BICC1: variants seen among roughly 807,000 people sequenced by gnomAD.
BICC1 encodes protein bicaudal C homolog 1.
A neutral mutation model predicts 111.0 loss-of-function variants in BICC1; 43 were observed. The observed-to-expected ratio is 0.39, with a 90% CI of 0.30 to 0.50. The LOEUF is 0.50. Ranked by LOEUF, BICC1 falls within the 20% of genes least tolerant of loss-of-function variation. The probability of loss-of-function intolerance (pLI) is 0.88; values close to 1 mark genes in which losing one functional copy is unlikely to be tolerated. For missense variants in BICC1, 1,091 were observed against 1,203.2 expected (o/e 0.91, Z 1.38); for synonymous variants, 467 against 434.4 (o/e 1.07, Z -0.93).
chr10:58,792,649 A>G (rs1418905231), intron 8 of BICC1, among the ~76,000 whole-genome samples: 2 of 152,188 alleles, frequency 1.3e-5, no homozygotes, highest in Admixed American at 6.5e-5. Flanking sequence ...GGAGAATCTA[A>G]TGCCTGATGA....
At chr10:58,807,307 T>C in intron 17 of BICC1, 149 bp downstream of exon 17, 5 of 689,660 alleles carry the variant, frequency 7.2e-6, no homozygotes, top group South Asian at 2.5e-5. Context: ...CACACTGTTA[T>C]AAAACTGATG....
intron 1 of BICC1, among the ~76,000 whole-genome samples, chr10:58,617,475 G>A (rs1423200512): frequency 6.6e-6 from 1 of 152,248 alleles, no homozygotes; most frequent in Non-Finnish European, 1.5e-5. Flanking sequence ...GGAAGATAAG[G>A]CCATGGGGCC....
At chr10:58,685,627 T>C (rs2132385176) in intron 2 of BICC1, among the ~76,000 whole-genome samples, 1 of 152,242 alleles carries the variant, frequency 6.6e-6, no homozygotes, top group South Asian at 2.1e-4. Context: ...TGTAATGGCC[T>C]TCTTTGTCTC....
At chr10:58,732,223 C>A (rs1231372987) in intron 3 of BICC1, among the ~76,000 whole-genome samples, 18 of 147,616 alleles carry the variant, frequency 1.2e-4, no homozygotes, top group Non-Finnish European at 4.5e-5. Flanking sequence ...ATTGTTCTTT[C>A]TTAGGGAATA....
chr10:58,749,608 A>G (rs1277128352), intron 3 of BICC1, among the ~76,000 whole-genome samples: 1 of 152,142 alleles, frequency 6.6e-6, no homozygotes, highest in Non-Finnish European at 1.5e-5. Flanking sequence ...TAAAACTGTA[A>G]TGTTATTAAA....
At chr10:58,611,857 G>T (rs975493933) in intron 1 of BICC1, among the ~76,000 whole-genome samples, 1 of 151,968 alleles carries the variant, frequency 6.6e-6, no homozygotes, top group African/African-American at 2.4e-5. Context: ...GAATTTAACT[G>T]CAAAAATAAA....
chr10:58,765,730 G>A (rs1462370339), intron 3 of BICC1, among the ~76,000 whole-genome samples: 1 of 152,016 alleles, frequency 6.6e-6, no homozygotes. Flanking sequence ...GGACTCACAG[G>A]GCAAAAAGGC....
intron 2 of BICC1, among the ~76,000 whole-genome samples, chr10:58,670,752 T>C (rs1839159056): frequency 6.6e-6 from 1 of 152,250 alleles, no homozygotes; most frequent in Middle Eastern, 3.4e-3. Flanking sequence ...AAAAGACTTG[T>C]TTTTGGCATC....
At chr10:58,784,470 T>C (rs1589135037) in intron 3 of BICC1, among the ~76,000 whole-genome samples, 1 of 152,208 alleles carries the variant, frequency 6.6e-6, no homozygotes, top group East Asian at 1.9e-4. Flanking sequence ...TAAATGAAGT[T>C]ATTGCATAAA....
chr10:58,633,675 A>G (rs1441485645), intron 2 of BICC1, among the ~76,000 whole-genome samples: 1 of 152,324 alleles, frequency 6.6e-6, no homozygotes, highest in East Asian at 1.9e-4. Context: ...TTTTCCAGGA[A>G]AACAGTTGGA....
chr10:58,609,790 A>G (rs187958283), intron 1 of BICC1, among the ~76,000 whole-genome samples: 6 of 152,356 alleles, frequency 3.9e-5, no homozygotes, highest in South Asian at 2.1e-4. Context: ...ACTGTGGTGT[A>G]TTAGGTATTC....
At chr10:58,629,245 CA>C (rs1463193984) in intron 2 of BICC1, among the ~76,000 whole-genome samples, 3 of 151,946 alleles carry the variant, frequency 2.0e-5, no homozygotes, top group Non-Finnish European at 2.9e-5. Flanking sequence ...AGAATCAATG[CA>C]GTTTAAAGCT....
chr10:58,562,318 A>C (rs1843628208), intron 1 of BICC1, among the ~76,000 whole-genome samples: 1 of 151,588 alleles, frequency 6.6e-6, no homozygotes, highest in South Asian at 2.1e-4. Context: ...ATTTTGTTTG[A>C]CTTGACTATT....
chr10:58,825,364 CT>C lies in BICC1; in HGVS notation c.2795-3395del, dbSNP rs141431729. On this transcript the variant is annotated intron_variant, in intron 20 of 20. Coordinates refer to ENST00000373886, the MANE Select transcript of BICC1 (RefSeq NM_001080512.3). Reference sequence around the variant, plus strand: ...GGAGATTTGTGACAACTTGAAGAAACTTCCAAACTGCATAGCCTGGGAATAT... The same window carrying C: ...GGAGATTTGTGACAACTTGAAGAAACTCCAAACTGCATAGCCTGGGAATAT... 1.7e-3 allele frequency among the ~76,000 whole-genome samples: 252 copies of C among 152,150 alleles called. 2 individuals carry two copies. Among genetic ancestry groups the C allele is most frequent in the African/African-American group, 5.9e-3 (244 of 41,496 alleles).
At chr10:58,625,878 G>C (rs1425610631) in intron 2 of BICC1, among the ~76,000 whole-genome samples, 3 of 152,136 alleles carry the variant, frequency 2.0e-5, no homozygotes, top group Middle Eastern at 3.2e-3. Flanking sequence ...TTCTCCACTA[G>C]CGATTATTTT....
rs943485210 is a variant in BICC1, at chr10:58,806,592, C to T, written c.2190C>T (p.Asp730=). 1.9e-6 allele frequency: 3 copies of T among 1,612,500 alleles called. No individual in the cohort carries two copies. Among genetic ancestry groups the T allele is most frequent in the Non-Finnish European group, 1.7e-6 (2 of 1,178,886 alleles). ...TTCTGTTTCATTTTCAGGCATTTGA[C>T]TATGAACAGAAGAAGCTATTAGCCA... ...RSSYVNMQAF[D]YEQKKLLATK... Residue 730 remains aspartate, a synonymous_variant, in exon 16 of 21, where the codon GAC becomes GAT. Transcript: ENST00000373886.
At chr10:58,548,128 G>A (rs1024380113) in intron 1 of BICC1, among the ~76,000 whole-genome samples, 11 of 152,154 alleles carry the variant, frequency 7.2e-5, no homozygotes, top group Non-Finnish European at 1.5e-4. Context: ...TGTTTATACT[G>A]ATGACTTCAA....
intron 5 of BICC1, 52 bp from the exon 6 acceptor site, chr10:58,788,318 G>A (rs1228252891): frequency 1.5e-6 from 2 of 1,332,572 alleles, no homozygotes; most frequent in South Asian, 2.4e-5. Flanking sequence ...CTGGAAAAGA[G>A]ATGTGAGTTT....
intron 1 of BICC1, among the ~76,000 whole-genome samples, chr10:58,529,827 A>G (rs1842634859): frequency 1.3e-5 from 2 of 151,932 alleles, no homozygotes; most frequent in Admixed American, 6.6e-5. Context: ...GTAAATGGAT[A>G]TCTGAGATGC....
Sources: allele counts gnomAD v4.1 joint callset (sites outside exome capture counted in the v4.1 genomes callset), GRCh38; gene constraint gnomAD v4.1.1; transcripts MANE v1.5; gene names NCBI Gene and HGNC (gene_info 2026-07-23, HGNC 2026-07-21).